The following RAB39A variants were observed in gnomAD, a reference collection of about 807,000 sequenced individuals.
RAB39A encodes the protein ras-related protein Rab-39A.
RAB39A carries 17 observed loss-of-function variants against 20.9 expected under a neutral mutation model. That is an observed-to-expected ratio of 0.81 (90% CI 0.56 to 1.22). The LOEUF is 1.22. Among genes scored for constraint, RAB39A ranks in the 50% most tolerant of loss-of-function variants. RAB39A has a pLI of 0.00. For synonymous variants in RAB39A, 99 were observed against 103.4 expected (o/e 0.96, Z 0.26); for missense variants, 234 against 270.5 (o/e 0.87, Z 0.95).
intron 1 of RAB39A, among the ~76,000 whole-genome samples, chr11:107,961,488 A>G (rs1001627625): frequency 2.0e-5 from 3 of 152,156 alleles, no homozygotes; most frequent in African/African-American, 7.2e-5. Context: ...CAGACATTCG[A>G]TCCATACTAC....
chr11:107,946,038 C>G (rs1005604210), intron 1 of RAB39A, among the ~76,000 whole-genome samples: 2 of 151,876 alleles, frequency 1.3e-5, no homozygotes, highest in Non-Finnish European at 2.9e-5. Context: ...ATTAAATATA[C>G]CAACATTTGA....
At chr11:107,938,378 AAAG>A (rs1273101941) in intron 1 of RAB39A, among the ~76,000 whole-genome samples, 6 of 150,038 alleles carry the variant, frequency 4.0e-5, no homozygotes, top group African/African-American at 1.5e-4. Context: ...AAAAAAAAAA[AAAG>A]AATGAGACAG....
chr11:107,928,525 G>A lies in RAB39A; in HGVS notation c.-44G>A, dbSNP rs756556771. 1 of 1,382,864 alleles carries A rather than the reference G, an allele frequency of 7.2e-7. No homozygotes were observed. The highest frequency in any genetic ancestry group is 9.6e-7 in the Non-Finnish European group (1 of 1,044,078). 85.7% of individuals were successfully genotyped at this position (1,382,864 alleles called of 1,614,324 possible). Reference sequence around the variant, plus strand: ...AGGACAGTTCCCGCCGCCGAACTTAGCCCGCGGGTGGGGCGGCCCGGGAGC... The same window carrying A: ...AGGACAGTTCCCGCCGCCGAACTTAACCCGCGGGTGGGGCGGCCCGGGAGC... On this transcript the variant is annotated 5_prime_UTR_variant, in exon 1 of 2. Coordinates refer to ENST00000320578, the MANE Select transcript of RAB39A (RefSeq NM_017516.3). The surrounding 1 kb of genome is among the most constrained non-coding windows in gnomAD (Gnocchi z 4.9).
At chr11:107,954,227 T>G (rs1044036415) in intron 1 of RAB39A, among the ~76,000 whole-genome samples, 2 of 152,220 alleles carry the variant, frequency 1.3e-5, no homozygotes, top group Non-Finnish European at 2.9e-5. Context: ...AGATTAAGTC[T>G]ATTGAGCCCA....
intron 1 of RAB39A, among the ~76,000 whole-genome samples, chr11:107,947,230 T>C (rs1861328386): frequency 1.3e-5 from 2 of 151,726 alleles, no homozygotes. Flanking sequence ...GCCTCCCGAG[T>C]AGCTGGGACT....
chr11:107,938,295 G>A lies in RAB39A; in HGVS notation c.227+9500G>A, dbSNP rs1345172138. Among the ~76,000 whole-genome samples, 8 of 149,656 alleles carry A rather than the reference G, an allele frequency of 5.3e-5. No individual in the cohort carries two copies. In the East Asian group the frequency reaches 1.6e-3, roughly 29 times the overall value. On this transcript the variant is annotated intron_variant, in intron 1 of 1. Coordinates refer to ENST00000320578, the MANE Select transcript of RAB39A (RefSeq NM_017516.3). ...GAATTGCTTGAACCCAGGAAGAGGA[G>A]GTTGCAGTGAGCCGAGATCACGCCA...
Position 107,928,527 on chromosome 11 carries a change from C to A in RAB39A, c.-42C>A. 2 of 1,388,188 alleles carry A rather than the reference C, an allele frequency of 1.4e-6. No homozygotes were observed. Among genetic ancestry groups the A allele is most frequent in the South Asian group, 1.7e-5 (1 of 58,964 alleles). The allele number at this position is 1,388,188 out of a possible 1,614,324, so 86.0% of individuals were successfully genotyped here. ...GACAGTTCCCGCCGCCGAACTTAGC[C>A]CGCGGGTGGGGCGGCCCGGGAGCCA... On this transcript the variant is annotated 5_prime_UTR_variant, in exon 1 of 2. Coordinates refer to ENST00000320578, the MANE Select transcript of RAB39A (RefSeq NM_017516.3). This position sits in a 1 kb window ranked among gnomAD's most constrained non-coding sequence, Gnocchi z 4.9.
chr11:107,941,047 A>G (rs1304341370), intron 1 of RAB39A, among the ~76,000 whole-genome samples: 2 of 152,184 alleles, frequency 1.3e-5, no homozygotes, highest in African/African-American at 2.4e-5. Context: ...GTTCCTAGCT[A>G]TAAGAGAAGA....
intron 1 of RAB39A, among the ~76,000 whole-genome samples, chr11:107,959,864 C>G (rs1445096654): frequency 6.6e-6 from 1 of 152,200 alleles, no homozygotes; most frequent in Non-Finnish European, 1.5e-5. Flanking sequence ...GAAACTGAGA[C>G]TCATGGGATC....
intron 1 of RAB39A, among the ~76,000 whole-genome samples, chr11:107,938,547 T>C (rs1332052790): frequency 8.2e-6 from 1 of 121,786 alleles, no homozygotes; most frequent in Non-Finnish European, 1.6e-5. Flanking sequence ...CTGGGCAACA[T>C]AGTGAGACCT....
chr11:107,950,610 T>A (rs1266275403), intron 1 of RAB39A, among the ~76,000 whole-genome samples: 1 of 151,668 alleles, frequency 6.6e-6, no homozygotes, highest in African/African-American at 2.4e-5. Flanking sequence ...CTACAAAAAA[T>A]ACAAAACTTA....
At chr11:107,933,564 G>C (rs1861162452) in intron 1 of RAB39A, among the ~76,000 whole-genome samples, 1 of 151,370 alleles carries the variant, frequency 6.6e-6, no homozygotes, top group Non-Finnish European at 1.5e-5. Flanking sequence ...ATTTTTAGTA[G>C]AGATGGAGGT....
At chr11:107,957,786 C>A (rs902500576) in intron 1 of RAB39A, among the ~76,000 whole-genome samples, 2 of 152,246 alleles carry the variant, frequency 1.3e-5, no homozygotes, top group African/African-American at 4.8e-5. Flanking sequence ...GAATCCATGC[C>A]ATTTATTTCT....
At chr11:107,946,333 C>CACACACACATATATAT (rs1861308809) in intron 1 of RAB39A, among the ~76,000 whole-genome samples, 3 of 135,880 alleles carry the variant, frequency 2.2e-5, no homozygotes, top group African/African-American at 9.0e-5. Flanking sequence ...TATACACACA[C>CACACACACATATATAT]ACACACACAC....
At chr11:107,954,392 C>T (rs1861412802) in intron 1 of RAB39A, among the ~76,000 whole-genome samples, 1 of 152,152 alleles carries the variant, frequency 6.6e-6, no homozygotes, top group African/African-American at 2.4e-5. Context: ...AATGCACATA[C>T]TCTAGACTCA....
intron 1 of RAB39A, 138 bp from the exon 2 acceptor site, chr11:107,961,808 A>T (rs1168209303): frequency 2.7e-6 from 2 of 729,508 alleles, no homozygotes; most frequent in African/African-American, 1.8e-5. Context: ...TTCACTTGAG[A>T]TACCTCATAT....
rs187826654 is a variant in RAB39A, at chr11:107,936,858, G to C, written c.227+8063G>C. Reference sequence around the variant, plus strand: ...GGAAAATCCCTTGAACCCAGAAGGTGGAGGTTGCAAGGTTGCAGTGAGCCG... The same window carrying C: ...GGAAAATCCCTTGAACCCAGAAGGTCGAGGTTGCAAGGTTGCAGTGAGCCG... On this transcript the variant is annotated intron_variant, in intron 1 of 1. Transcript: ENST00000320578. 2.6e-5 allele frequency among the ~76,000 whole-genome samples: 4 copies of C among 151,996 alleles called. No homozygotes were observed. The East Asian group carries it at 7.8e-4, about 30-fold the overall frequency.
intron 1 of RAB39A, among the ~76,000 whole-genome samples, chr11:107,954,155 AG>A (rs1318302082): frequency 1.3e-5 from 2 of 152,216 alleles, no homozygotes; most frequent in Non-Finnish European, 2.9e-5. Context: ...TACAATATTC[AG>A]GATGTCGGTA....
chr11:107,950,259 CT>C (rs996519728), intron 1 of RAB39A, among the ~76,000 whole-genome samples: 30 of 152,074 alleles, frequency 2.0e-4, no homozygotes, highest in African/African-American at 6.7e-4. Flanking sequence ...CATTTCTCCC[CT>C]TTTGACTTTA....
Sources: gnomAD v4.1 joint callset for allele counts (sites outside exome capture counted in the v4.1 genomes callset) on GRCh38, gnomAD v4.1.1 for gene constraint, Gnocchi (gnomAD v3.1) non-coding constraint, MANE v1.5 for transcripts, NCBI Gene and HGNC (gene_info 2026-07-23, HGNC 2026-07-21) for gene names.